Variants in FGD5 observed in about 807,000 individuals in gnomAD.
The protein encoded by FGD5 is FYVE, RhoGEF and PH domain-containing protein 5.
Under a neutral mutation model 133.4 loss-of-function variants are expected in FGD5, and 28 were observed. The ratio of observed to expected loss-of-function variants is 0.21; its 90% CI spans 0.16 to 0.29. The LOEUF (loss-of-function observed/expected upper bound fraction) is 0.29. Among genes scored for constraint, FGD5 ranks in the 10% least tolerant of loss-of-function variants. The pLI, the probability that FGD5 is intolerant of heterozygous loss-of-function variation, is 1.00. For missense variants in FGD5, 1,858 were observed against 1,895.2 expected (o/e 0.98, Z 0.36); for synonymous variants, 810 against 776.5 (o/e 1.04, Z -0.72).
intron 1 of FGD5, among the ~76,000 whole-genome samples, chr3:14,863,870 C>T (rs969827904): frequency 6.6e-6 from 1 of 152,214 alleles, no homozygotes; most frequent in African/African-American, 2.4e-5. Context: ...GGGCCTTCCT[C>T]TGGCAGGGGA....
intron 2 of FGD5, among the ~76,000 whole-genome samples, chr3:14,867,045 T>C (rs2037508824): frequency 6.6e-6 from 1 of 152,236 alleles, no homozygotes; most frequent in South Asian, 2.1e-4. Flanking sequence ...CATTCTTCTT[T>C]ATAAGGCTTG....
At chr3:14,838,240 G>C (rs2036854924) in intron 1 of FGD5, among the ~76,000 whole-genome samples, 1 of 150,736 alleles carries the variant, frequency 6.6e-6, no homozygotes, top group Admixed American at 6.6e-5. Flanking sequence ...GTAATGGCGG[G>C]TTGTGAGTTG....
intron 2 of FGD5, among the ~76,000 whole-genome samples, chr3:14,865,180 A>G (rs565216377): frequency 6.7e-6 from 1 of 148,592 alleles, no homozygotes; most frequent in Non-Finnish European, 1.5e-5. Context: ...CAAAGAGTGA[A>G]GCGCCCCCTT....
At position 14,917,298 on chromosome 3, in the gene FGD5, G is replaced by T; in HGVS notation, c.3455G>T (p.Arg1152Leu). 1 of 1,613,680 alleles carries T rather than the reference G, an allele frequency of 6.2e-7. No individual in the cohort carries two copies. ...TATCCCCAGAAGGATGGGAAGTACC[G>T]GCTGAAGAACACATTGGCTGTGGCC... ...YTYPQKDGKY[R>L]LKNTLAVANM... The change falls in exon 12 of 20, where the codon CGG (arginine) becomes CTG (leucine). Residue 1152 changes from arginine (R) to leucine (L), a missense_variant. By Grantham distance (102) the Arg-to-Leu change is moderately radical (BLOSUM62 -2). Around this residue, in one of 3 missense-constraint regions of FGD5, gnomAD observed 1,824 missense variants for 1,848.9 expected, o/e 0.99. Transcript: ENST00000285046. This position sits in a 1 kb window ranked among gnomAD's most constrained non-coding sequence, Gnocchi z 4.1.
At chr3:14,923,435 C>T in intron 16 of FGD5, 1 of 497,702 alleles carries the variant, frequency 2.0e-6, no homozygotes, top group African/African-American at 1.9e-5. Context: ...GGGACAGAGG[C>T]AGGGAGCTCC....
intron 1 of FGD5, among the ~76,000 whole-genome samples, chr3:14,847,468 G>A (rs1023569937): frequency 2.6e-5 from 4 of 152,196 alleles, no homozygotes; most frequent in African/African-American, 7.2e-5. Flanking sequence ...TAGCATCCCT[G>A]GTGGGATGGA....
intron 9 of FGD5, among the ~76,000 whole-genome samples, chr3:14,904,359 G>T (rs1427675966): frequency 4.6e-5 from 7 of 152,158 alleles, no homozygotes; most frequent in Non-Finnish European, 1.0e-4. Context: ...TATATATAAA[G>T]AAGTCATTTA....
chr3:14,877,199 C>T (rs1480097097), intron 2 of FGD5, among the ~76,000 whole-genome samples: 1 of 152,250 alleles, frequency 6.6e-6, no homozygotes, highest in Non-Finnish European at 1.5e-5. Context: ...TTAAATGGCC[C>T]AGTTGGGCAA....
chr3:14,822,060 A>G (rs758527001), intron 1 of FGD5, among the ~76,000 whole-genome samples: 6 of 152,188 alleles, frequency 3.9e-5, no homozygotes, highest in African/African-American at 9.6e-5. Flanking sequence ...AGATCACGCA[A>G]CTGTACTCCA....
At chr3:14,874,418 G>T (rs191304605) in intron 2 of FGD5, among the ~76,000 whole-genome samples, 1 of 152,164 alleles carries the variant, frequency 6.6e-6, no homozygotes, top group Admixed American at 6.5e-5. Flanking sequence ...CTACTCAGGA[G>T]GCTGAGGCTG....
Position 14,819,855 on chromosome 3 carries a change from G to A in FGD5, c.784G>A (p.Val262Ile), listed in dbSNP as rs757373496. ...CCCTGAGAAGGAGGAGCTGGCCGGG[G>A]TCCAGGAGGCAGAGACAGCCACAGA... ...EPPEKEELAG[V>I]QEAETATDCP... The change falls in exon 1 of 20, where the codon GTC becomes ATC. Residue 262 changes from valine (V) to isoleucine (I), a missense_variant. Around this residue, in one of 3 missense-constraint regions of FGD5, gnomAD observed 1,824 missense variants for 1,848.9 expected, o/e 0.99. Transcript: ENST00000285046. This position sits in a 1 kb window ranked among gnomAD's most constrained non-coding sequence, Gnocchi z 4.1. 6 of 1,612,608 alleles carry A rather than the reference G, an allele frequency of 3.7e-6. No homozygotes were observed. The South Asian group carries it at 6.6e-5, about 18-fold the overall frequency.
At chr3:14,932,426 C>T (rs188951737) in intron 18 of FGD5, 151 bp from the exon 19 acceptor site, 341 of 828,192 alleles carry the variant, frequency 4.1e-4, no homozygotes, top group Admixed American at 6.7e-4. Flanking sequence ...TGGGGGGAAG[C>T]GAGGGTCAAC....
At chr3:14,825,589 C>T (rs1390399959) in intron 1 of FGD5, among the ~76,000 whole-genome samples, 1 of 152,108 alleles carries the variant, frequency 6.6e-6, no homozygotes, top group Non-Finnish European at 1.5e-5. Context: ...TTTCAGGCTG[C>T]ATTGAGCTGT....
At chr3:14,884,477 G>A (rs1029156010) in intron 4 of FGD5, among the ~76,000 whole-genome samples, 1 of 152,160 alleles carries the variant, frequency 6.6e-6, no homozygotes, top group Non-Finnish European at 1.5e-5. Context: ...CAGATACTGC[G>A]AATGCATTCA....
intron 9 of FGD5, among the ~76,000 whole-genome samples, chr3:14,903,328 A>C (rs1210720551): frequency 6.6e-6 from 1 of 152,172 alleles, no homozygotes; most frequent in African/African-American, 2.4e-5. Context: ...TGTGTCCCCC[A>C]CACAGTGTTC....
intron 2 of FGD5, among the ~76,000 whole-genome samples, chr3:14,877,965 T>G (rs952291673): frequency 6.6e-6 from 1 of 152,170 alleles, no homozygotes; most frequent in Non-Finnish European, 1.5e-5. Flanking sequence ...AAACTATTCT[T>G]CAGAATGTCA....
chr3:14,821,038 T>C lies in FGD5; in HGVS notation c.1967T>C (p.Phe656Ser), dbSNP rs767417825. 1.2e-6 allele frequency: 2 copies of C among 1,613,738 alleles called. No individual in the cohort carries two copies. The change falls in exon 1 of 20, where the codon TTC becomes TCC. Residue 656 changes from phenylalanine (F) to serine (S), a missense_variant. Phe to Ser is a radical substitution (Grantham distance 155). Around this residue, in one of 3 missense-constraint regions of FGD5, gnomAD observed 1,824 missense variants for 1,848.9 expected, o/e 0.99. Coordinates refer to ENST00000285046, the MANE Select transcript of FGD5 (RefSeq NM_152536.4). ...YKKKKSSFKR[F>S]LALTFKKKTE... Reference sequence around the variant, plus strand: ...AAGAAGAAGTCATCCTTTAAGCGCTTCCTGGCACTGACGTTTAAGAAGAAG... The same window carrying C: ...AAGAAGAAGTCATCCTTTAAGCGCTCCCTGGCACTGACGTTTAAGAAGAAG...
chr3:14,848,008 G>A (rs528652120), intron 1 of FGD5, among the ~76,000 whole-genome samples: 9 of 152,238 alleles, frequency 5.9e-5, no homozygotes, highest in South Asian at 2.1e-4. Context: ...CTGGAGCCCC[G>A]GGCCAGCCAT....
At position 14,922,744 on chromosome 3, in the gene FGD5, G is replaced by T. The variant is rs558182260; in HGVS notation, c.3807+196G>T. Among the ~76,000 whole-genome samples the T allele has an allele frequency of 4.6e-5, 7 of 152,290 alleles. No homozygotes were observed. In the South Asian group the frequency reaches 1.5e-3, roughly 32 times the overall value. On this transcript the variant is annotated intron_variant, in intron 15 of 19. Coordinates refer to ENST00000285046, the MANE Select transcript of FGD5 (RefSeq NM_152536.4). This position sits in a 1 kb window ranked among gnomAD's most constrained non-coding sequence, Gnocchi z 4.1. The stretch of plus-strand genomic sequence containing the variant: ...ATCAAACCAGAGCTCCAAGTCCCAG[G>T]CCTCTTCCACACCACCACGTTTTCA...
Sources: gnomAD v4.1 joint callset for allele counts (sites outside exome capture counted in the v4.1 genomes callset) on GRCh38, gnomAD v4.1.1 for gene constraint, gnomAD v4.1.1 regional missense constraint, Gnocchi (gnomAD v3.1) non-coding constraint, MANE v1.5 for transcripts, NCBI Gene and HGNC (gene_info 2026-07-23, HGNC 2026-07-21) for gene names.